NUDCD3: variants seen among roughly 807,000 people sequenced by gnomAD.
The protein encoded by NUDCD3 is nudC domain-containing protein 3.
A neutral mutation model predicts 39.7 loss-of-function variants in NUDCD3; 13 were observed. That is an observed-to-expected ratio of 0.33 (90% confidence interval 0.21 to 0.52). The LOEUF (loss-of-function observed/expected upper bound fraction) is 0.52, where lower values mean the gene tolerates loss of function less well. NUDCD3 is among the 20% of genes least tolerant of loss of function. The pLI is 0.96. For missense variants in NUDCD3, 453 were observed against 458.1 expected, an observed-to-expected ratio of 0.99 and a Z score of 0.10; for synonymous variants, 175 against 172.4, an observed-to-expected ratio of 1.02 and a Z score of -0.12.
At chr7:44,444,467 C>G (rs1799652595) in intron 2 of NUDCD3, among the ~76,000 whole-genome samples, 1 of 152,190 alleles carries the variant, frequency 6.6e-6, no homozygotes, top group Non-Finnish European at 1.5e-5. Flanking sequence ...AAGCCTCACA[C>G]AAGTGCAGCA....
At chr7:44,439,466 T>C (rs1292012044) in intron 2 of NUDCD3, among the ~76,000 whole-genome samples, 3 of 151,964 alleles carry the variant, frequency 2.0e-5, no homozygotes, top group Non-Finnish European at 4.4e-5. Flanking sequence ...GGTTTCTAAA[T>C]ACCATTCAAT....
chr7:44,412,926 C>CAAAAAAAAAAAAAAAA (rs767754442), intron 3 of NUDCD3, among the ~76,000 whole-genome samples: 4 of 43,850 alleles, frequency 9.1e-5, no homozygotes, highest in African/African-American at 1.6e-4. Flanking sequence ...GACGCCGTCT[C>CAAAAAAAAAAAAAAAA]AAAAAAAAAA....
chr7:44,459,272 C>T (rs1381348712), intron 2 of NUDCD3, among the ~76,000 whole-genome samples: 1 of 151,612 alleles, frequency 6.6e-6, no homozygotes, highest in African/African-American at 2.4e-5. Flanking sequence ...GATCATGGCC[C>T]ACTGTAGCCT....
At chr7:44,412,179 A>G (rs1485483285) in intron 3 of NUDCD3, among the ~76,000 whole-genome samples, 1 of 152,246 alleles carries the variant, frequency 6.6e-6, no homozygotes, top group African/African-American at 2.4e-5. Context: ...AATAAGATGA[A>G]GATACACATG....
intron 2 of NUDCD3, among the ~76,000 whole-genome samples, chr7:44,432,112 T>C (rs533351581): frequency 6.6e-6 from 1 of 152,240 alleles, no homozygotes; most frequent in East Asian, 1.9e-4. Context: ...GGAAGACCCA[T>C]CTCTACAAAA....
chr7:44,445,867 C>T (rs1305597989), intron 2 of NUDCD3, among the ~76,000 whole-genome samples: 1 of 152,186 alleles, frequency 6.6e-6, no homozygotes, highest in Non-Finnish European at 1.5e-5. Context: ...TAAAGGAGAA[C>T]CGAAACCAGT....
At chr7:44,459,267 T>C (rs1047199800) in intron 2 of NUDCD3, among the ~76,000 whole-genome samples, 1 of 151,828 alleles carries the variant, frequency 6.6e-6, no homozygotes, top group African/African-American at 2.4e-5. Context: ...GGCACGATCA[T>C]GGCCCACTGT....
chr7:44,487,596 A>G (rs1488420585), intron 1 of NUDCD3, among the ~76,000 whole-genome samples: 2 of 151,986 alleles, frequency 1.3e-5, no homozygotes, highest in Non-Finnish European at 2.9e-5. Flanking sequence ...CCACAATAAA[A>G]CCCTTGTCAA....
chr7:44,480,659 T>A (rs307013), intron 2 of NUDCD3, among the ~76,000 whole-genome samples: 23,038 of 151,924 alleles, frequency 0.15, 1,930 homozygotes, highest in Non-Finnish European at 0.19. Flanking sequence ...TCCCAAAAAA[T>A]GGCCAGGCAT....
chr7:44,443,445 C>G (rs1799630017), intron 2 of NUDCD3, among the ~76,000 whole-genome samples: 1 of 151,788 alleles, frequency 6.6e-6, no homozygotes, highest in Non-Finnish European at 1.5e-5. Flanking sequence ...GGGTCTCGCT[C>G]TGTCGCCCAG....
chr7:44,456,228 A>G (rs992903225), intron 2 of NUDCD3, among the ~76,000 whole-genome samples: 7 of 149,896 alleles, frequency 4.7e-5, no homozygotes, highest in Non-Finnish European at 8.9e-5. Flanking sequence ...AGGATATAGG[A>G]AAAAAAAAAT....
chr7:44,414,754 T>G (rs1798990033), intron 3 of NUDCD3, among the ~76,000 whole-genome samples: 1 of 152,238 alleles, frequency 6.6e-6, no homozygotes, highest in Admixed American at 6.5e-5. Flanking sequence ...TTTCCTATAA[T>G]AAAACGTTTT....
In NUDCD3 at chr7:44,380,605, G is replaced by C. The variant is rs1161168465; in HGVS notation, c.*5406C>G. 6.6e-6 allele frequency: 1 copy of C among 152,192 alleles called. No individual in the cohort carries two copies. Among genetic ancestry groups the C allele is most frequent in the Non-Finnish European group, 1.5e-5 (1 of 68,062 alleles). The allele number at this position is 152,192 out of a possible 1,614,324, so 9.4% of individuals were successfully genotyped here. On this transcript the variant is annotated 3_prime_UTR_variant, in exon 6 of 6. Transcript: ENST00000355451. ...ATTTGCCTGCAGGCTAGGCACACCT[G>C]GTAAATGAGGTCTCCACACACTGGG...
intron 2 of NUDCD3, among the ~76,000 whole-genome samples, chr7:44,441,768 G>A (rs10249345): frequency 0.13 from 19,556 of 152,134 alleles, 1,670 homozygotes; most frequent in Non-Finnish European, 0.19. Context: ...TTACAAACTT[G>A]GAGTTAATCA....
intron 4 of NUDCD3, among the ~76,000 whole-genome samples, chr7:44,398,203 A>C (rs778262476): frequency 6.6e-6 from 1 of 152,154 alleles, no homozygotes; most frequent in Non-Finnish European, 1.5e-5. Context: ...TTCTTGCCCT[A>C]GTCCCTCCAC....
At chr7:44,389,316 G>A (rs888740987) in intron 5 of NUDCD3, among the ~76,000 whole-genome samples, 4 of 152,182 alleles carry the variant, frequency 2.6e-5, no homozygotes, top group South Asian at 2.1e-4. Context: ...AAGTTGCCTC[G>A]GCTTACCTGG....
chr7:44,412,248 A>G (rs528434589), intron 3 of NUDCD3, among the ~76,000 whole-genome samples: 1 of 152,366 alleles, frequency 6.6e-6, no homozygotes, highest in African/African-American at 2.4e-5. Context: ...GAGCATAATT[A>G]AAGTTATATT....
chr7:44,401,779 A>C (rs1047683463), intron 4 of NUDCD3, among the ~76,000 whole-genome samples: 1 of 152,178 alleles, frequency 6.6e-6, no homozygotes, highest in Non-Finnish European at 1.5e-5. Flanking sequence ...TAACTAAAAA[A>C]ACTAAAGGCA....
chr7:44,463,325 G>A (rs1800054303), intron 2 of NUDCD3, among the ~76,000 whole-genome samples: 1 of 152,124 alleles, frequency 6.6e-6, no homozygotes, highest in South Asian at 2.1e-4. Flanking sequence ...CTTGGTTTGG[G>A]AGGACAAGCT....
Sources: allele counts gnomAD v4.1 joint callset (sites outside exome capture counted in the v4.1 genomes callset), GRCh38; gene constraint gnomAD v4.1.1; transcripts MANE v1.5; gene names NCBI Gene and HGNC (gene_info 2026-07-23, HGNC 2026-07-21).